Variants in RAD51B observed in about 807,000 individuals in gnomAD.
RAD51B encodes the protein RAD51 paralog B.
A neutral mutation model predicts 42.2 loss-of-function variants in RAD51B; 38 were observed. That is an observed-to-expected ratio of 0.90 (90% CI 0.70 to 1.18). RAD51B has a LOEUF of 1.18. Among genes scored for constraint, RAD51B ranks in the 50% most tolerant of loss-of-function variants. The pLI, the probability that RAD51B is intolerant of heterozygous loss-of-function variation, is 0.00. For missense variants in RAD51B, 373 were observed against 400.7 expected (o/e 0.93, Z 0.59); for synonymous variants, 154 against 145.2 (o/e 1.06, Z -0.43).
intron 10 of RAD51B, among the ~76,000 whole-genome samples, chr14:68,473,038 A>G (rs1432683011): frequency 1.3e-5 from 2 of 152,188 alleles, no homozygotes; most frequent in East Asian, 3.8e-4. Flanking sequence ...ATTGACAAAA[A>G]TGTCCCCCCA....
rs146953928 is a variant in RAD51B at position 67,845,321 on chromosome 14, G to A, written c.315+10125G>A. Among the ~76,000 whole-genome samples the A allele has an allele frequency of 1.8e-3, 277 of 152,264 alleles. 5 individuals are homozygous for A. The highest frequency in any genetic ancestry group is 7.7e-4 in the East Asian group (4 of 5,184). On this transcript the variant is annotated intron_variant, in intron 4 of 10. Coordinates refer to ENST00000471583, the MANE Select transcript of RAD51B (RefSeq NM_133510.4). ...ATGGTAACAAATTCCCTTAGCATTT[G>A]TTTGTCTGAAAAGGATCTTATTTCT...
chr14:68,385,268 C>T (rs976561337), intron 8 of RAD51B, among the ~76,000 whole-genome samples: 1 of 152,148 alleles, frequency 6.6e-6, no homozygotes, highest in African/African-American at 2.4e-5. Context: ...GAAGTTTTCT[C>T]CCCAGCCCCT....
At chr14:67,998,239 A>G (rs1278370027) in intron 7 of RAD51B, among the ~76,000 whole-genome samples, 1 of 152,242 alleles carries the variant, frequency 6.6e-6, no homozygotes, top group Non-Finnish European at 1.5e-5. Context: ...TTACATAAAC[A>G]TGGGTCTTTG....
chr14:67,925,094 T>C lies in RAD51B; in HGVS notation c.756+37890T>C, dbSNP rs561019152. ...TCTTAAAGCTCCAAAATGATCTCCT[T>C]TGACTCCATATCTGACATCCAGGTC... On this transcript the variant is annotated intron_variant, in intron 7 of 10. Transcript: ENST00000471583. Among the ~76,000 whole-genome samples, 4 of 152,296 alleles carry C rather than the reference T, an allele frequency of 2.6e-5. No individual in the cohort carries two copies. The South Asian group carries it at 8.3e-4, about 32-fold the overall frequency.
intron 7 of RAD51B, among the ~76,000 whole-genome samples, chr14:67,890,063 T>C (rs1013737556): frequency 6.6e-6 from 1 of 152,226 alleles, no homozygotes; most frequent in African/African-American, 2.4e-5. Context: ...TGTTTAGAGA[T>C]ACTGGATAAA....
chr14:67,859,424 T>G (rs1167581388), intron 4 of RAD51B, among the ~76,000 whole-genome samples: 1 of 152,198 alleles, frequency 6.6e-6, no homozygotes, highest in Non-Finnish European at 1.5e-5. Context: ...TCAACAACAA[T>G]CTAATCTCAG....
intron 7 of RAD51B, among the ~76,000 whole-genome samples, chr14:68,134,213 G>A (rs2077962157): frequency 6.6e-6 from 1 of 152,116 alleles, no homozygotes; most frequent in Admixed American, 6.5e-5. Context: ...ACAGTATGTA[G>A]CCTTTTGTAA....
chr14:68,607,694 T>C (rs1389574304), intron 10 of RAD51B, among the ~76,000 whole-genome samples: 9 of 152,242 alleles, frequency 5.9e-5, no homozygotes, highest in Non-Finnish European at 2.9e-5. Context: ...CTTTGTGTCT[T>C]CCTCTTCTGC....
chr14:68,224,457 C>A (rs1275607304), intron 7 of RAD51B, among the ~76,000 whole-genome samples: 3 of 152,008 alleles, frequency 2.0e-5, no homozygotes, highest in Non-Finnish European at 2.9e-5. Flanking sequence ...GAGCAGCAGT[C>A]AAAATTTTAC....
intron 4 of RAD51B, among the ~76,000 whole-genome samples, chr14:67,852,481 G>A (rs1224501036): frequency 6.6e-6 from 1 of 152,192 alleles, no homozygotes; most frequent in Non-Finnish European, 1.5e-5. Context: ...AGTTCTTTGC[G>A]ATGTGAACCT....
In RAD51B at chr14:68,388,094, A is replaced by ATTT. The variant is rs10676248; in HGVS notation, c.854-23317_854-23315dup. Reference sequence around the variant, plus strand: ...TGTGTGTGTGTATATATATATATATATTTTTTTTTTTTTTTAATTGAGGCA... The same window carrying ATTT: ...TGTGTGTGTGTATATATATATATATATTTTTTTTTTTTTTTTTTAATTGAGGCA... On this transcript the variant is annotated intron_variant, in intron 8 of 10. Transcript: ENST00000471583. 9.8e-4 allele frequency among the ~76,000 whole-genome samples: 116 copies of ATTT among 118,930 alleles called. 1 individual carries two copies. The highest frequency in any genetic ancestry group is 3.4e-3 in the African/African-American group (99 of 29,396). 78.0% of individuals were successfully genotyped at this position (118,930 alleles called of 152,430 possible).
chr14:68,315,748 T>C (rs2082046869), intron 8 of RAD51B, among the ~76,000 whole-genome samples: 1 of 152,192 alleles, frequency 6.6e-6, no homozygotes, highest in African/African-American at 2.4e-5. Flanking sequence ...AGTCTCCATC[T>C]CCTGACCTCA....
chr14:68,342,888 G>C (rs1381405859), intron 8 of RAD51B, among the ~76,000 whole-genome samples: 1 of 151,974 alleles, frequency 6.6e-6, no homozygotes, highest in Non-Finnish European at 1.5e-5. Context: ...GTTGTCCTCT[G>C]GATGTTGGTC....
chr14:67,984,630 T>C (rs758708717), intron 7 of RAD51B, among the ~76,000 whole-genome samples: 8 of 152,188 alleles, frequency 5.3e-5, no homozygotes. Context: ...CTCTACCTAC[T>C]CTTCTAAGCC....
At position 68,304,338 on chromosome 14, in the gene RAD51B, A is replaced by G. The variant is rs1326544166; in HGVS notation, c.853+12358A>G. On this transcript the variant is annotated intron_variant, in intron 8 of 10. Transcript: ENST00000471583. ...ATCACCCTCAATTTAGAAACAAAGA[A>G]ACTGAAGTACGAAGTATTTCCATAA... Among the ~76,000 whole-genome samples the G allele has an allele frequency of 2.6e-5, 4 of 152,332 alleles. No individual in the cohort carries two copies. The East Asian group carries it at 7.7e-4, about 29-fold the overall frequency.
chr14:68,532,594 T>G (rs530680748), intron 10 of RAD51B, among the ~76,000 whole-genome samples: 1 of 152,298 alleles, frequency 6.6e-6, no homozygotes, highest in South Asian at 2.1e-4. Flanking sequence ...CTACCACAAA[T>G]CAGAGCCTTC....
chr14:68,320,992 C>A (rs535988338), intron 8 of RAD51B, among the ~76,000 whole-genome samples: 1 of 152,172 alleles, frequency 6.6e-6, no homozygotes, highest in South Asian at 2.1e-4. Flanking sequence ...TTCTTTCCCC[C>A]CTGCAGAAGT....
intron 7 of RAD51B, among the ~76,000 whole-genome samples, chr14:68,009,717 TA>T (rs555585460): frequency 2.0e-5 from 3 of 151,942 alleles, no homozygotes; most frequent in Non-Finnish European, 4.4e-5. Context: ...TTCTATAAAA[TA>T]GCACCCTTTA....
intron 8 of RAD51B, among the ~76,000 whole-genome samples, chr14:68,403,018 G>A (rs889331885): frequency 6.6e-6 from 1 of 152,194 alleles, no homozygotes; most frequent in African/African-American, 2.4e-5. Context: ...GCTGGCCACA[G>A]GCTATCATGC....
Sources: allele counts gnomAD v4.1 joint callset (sites outside exome capture counted in the v4.1 genomes callset), GRCh38; gene constraint gnomAD v4.1.1; transcripts MANE v1.5; gene names NCBI Gene and HGNC (gene_info 2026-07-23, HGNC 2026-07-21).